The following KCNH5 variants were observed in gnomAD, a reference collection of about 807,000 sequenced individuals.
KCNH5 encodes potassium voltage-gated channel subfamily H member 5.
KCNH5 carries 46 observed loss-of-function variants against 96.1 expected under a neutral mutation model. The ratio of observed to expected loss-of-function variants is 0.48; its 90% CI spans 0.38 to 0.61. The LOEUF (loss-of-function observed/expected upper bound fraction) is 0.61. KCNH5 is among the 20% of genes least tolerant of loss of function. The probability of loss-of-function intolerance (pLI) is 0.00; values close to 1 mark genes in which losing one functional copy is unlikely to be tolerated. For missense variants in KCNH5, 907 were observed against 1,225.8 expected (o/e 0.74, Z 3.88); for synonymous variants, 439 against 449.8 (o/e 0.98, Z 0.30).
Position 62,708,035 on chromosome 14 carries a change from G to C in KCNH5, c.2440C>G (p.Leu814Val). ...KNGNGKGWLR[L>V]KNNMGAHEEK... ...TCATGGGCTCCCATATTATTCTTGA[G>C]TCGCAGCCACCCTTTTCCATTTCCA... The change falls in exon 11 of 11, where the codon CTC becomes GTC. Residue 814 changes from leucine to valine, a missense_variant. By Grantham distance (32) the Leu-to-Val change is conservative. Coordinates refer to ENST00000322893, the MANE Select transcript of KCNH5 (RefSeq NM_139318.5). The C allele has an allele frequency of 6.2e-7, 1 of 1,614,150 alleles. No homozygotes were observed. The highest frequency in any genetic ancestry group is 8.5e-7 in the Non-Finnish European group (1 of 1,180,034).
At chr14:62,932,676 T>C (rs1330928005) in intron 7 of KCNH5, among the ~76,000 whole-genome samples, 1 of 152,038 alleles carries the variant, frequency 6.6e-6, no homozygotes, top group African/African-American at 2.4e-5. Context: ...GAAAGATACC[T>C]TGTCATAGTA....
intron 8 of KCNH5, among the ~76,000 whole-genome samples, chr14:62,835,126 G>C (rs1028877293): frequency 3.3e-5 from 5 of 151,900 alleles, no homozygotes; most frequent in Non-Finnish European, 5.9e-5. Flanking sequence ...TTTTAATTCA[G>C]CTTCCAAAAG....
chr14:62,868,959 G>A (rs183982564), intron 7 of KCNH5, among the ~76,000 whole-genome samples: 53 of 152,252 alleles, frequency 3.5e-4, no homozygotes, highest in Admixed American at 1.3e-3. Flanking sequence ...GGGTTGGTTC[G>A]AAGTCTTTGT....
At chr14:62,977,954 T>A (rs1890532748) in intron 6 of KCNH5, among the ~76,000 whole-genome samples, 2 of 152,162 alleles carry the variant, frequency 1.3e-5, no homozygotes, top group African/African-American at 4.8e-5. Context: ...AAATGGATAG[T>A]CCCAGAGCAA....
At chr14:62,944,800 A>G (rs1279839555) in intron 7 of KCNH5, among the ~76,000 whole-genome samples, 1 of 152,126 alleles carries the variant, frequency 6.6e-6, no homozygotes, top group Non-Finnish European at 1.5e-5. Context: ...TAAAAGGGAA[A>G]TTTAAAGGTA....
intron 9 of KCNH5, among the ~76,000 whole-genome samples, chr14:62,783,115 G>A (rs559431148): frequency 2.1e-4 from 32 of 152,072 alleles, no homozygotes; most frequent in Admixed American, 5.2e-4. Context: ...GTTATATAAG[G>A]TTATATAAAA....
At chr14:62,887,142 A>C (rs1285559160) in intron 7 of KCNH5, among the ~76,000 whole-genome samples, 3 of 152,168 alleles carry the variant, frequency 2.0e-5, no homozygotes, top group Non-Finnish European at 4.4e-5. Context: ...TATTATTATC[A>C]CTGCAGAAAT....
chr14:62,940,750 T>C (rs1046262408), intron 7 of KCNH5, among the ~76,000 whole-genome samples: 2 of 152,218 alleles, frequency 1.3e-5, no homozygotes, highest in Admixed American at 1.3e-4. Context: ...CAAGAGTCAC[T>C]TTCTCCTAGA....
intron 7 of KCNH5, among the ~76,000 whole-genome samples, chr14:62,944,223 C>T (rs1458364991): frequency 6.6e-6 from 1 of 152,118 alleles, no homozygotes; most frequent in Non-Finnish European, 1.5e-5. Flanking sequence ...ATTCATACTT[C>T]TAAATTTTTC....
At chr14:62,778,203 A>G (rs76432118) in intron 10 of KCNH5, among the ~76,000 whole-genome samples, 1,908 of 152,290 alleles carry the variant, frequency 0.013, 42 homozygotes, top group African/African-American at 0.044. Flanking sequence ...GACTGGTTCC[A>G]GGATCCCCTC....
chr14:62,798,758 T>A (rs1886589592), intron 9 of KCNH5, among the ~76,000 whole-genome samples: 1 of 152,230 alleles, frequency 6.6e-6, no homozygotes. Context: ...CAGAACTTAT[T>A]CATTAAACTC....
intron 7 of KCNH5, among the ~76,000 whole-genome samples, chr14:62,902,149 CCATTATGTAGGCTGCCACTTTACT>C (rs1357770315): frequency 7.9e-5 from 12 of 152,072 alleles, no homozygotes; most frequent in African/African-American, 2.7e-4. Context: ...ATATTTTCTC[CCATTATGTAGGCTGCCACTTTACT>C]CAGTTGATGG....
At chr14:62,883,360 T>C (rs1198379927) in intron 7 of KCNH5, among the ~76,000 whole-genome samples, 3 of 152,196 alleles carry the variant, frequency 2.0e-5, no homozygotes, top group Non-Finnish European at 4.4e-5. Flanking sequence ...ATGATTTTAC[T>C]TGAAATAAAA....
At chr14:62,766,166 C>T (rs1373449665) in intron 10 of KCNH5, among the ~76,000 whole-genome samples, 2 of 152,064 alleles carry the variant, frequency 1.3e-5, no homozygotes, top group Non-Finnish European at 2.9e-5. Flanking sequence ...ATCCAAAAGA[C>T]AAGCAATAGC....
chr14:62,736,661 C>T (rs1458202380), intron 10 of KCNH5, among the ~76,000 whole-genome samples: 15 of 152,154 alleles, frequency 9.9e-5, no homozygotes, highest in Non-Finnish European at 2.2e-4. Context: ...ACTTCTTCCT[C>T]ACACAGAAAC....
chr14:62,920,733 A>G (rs1018031857), intron 7 of KCNH5, among the ~76,000 whole-genome samples: 1 of 152,198 alleles, frequency 6.6e-6, no homozygotes, highest in African/African-American at 2.4e-5. Context: ...AGACCAATCA[A>G]TTATTCAAAG....
In KCNH5 at chr14:63,029,575, A is replaced by G. The variant is rs113991899; in HGVS notation, c.74-12621T>C. On this transcript the variant is annotated intron_variant, in intron 1 of 10. Coordinates refer to ENST00000322893, the MANE Select transcript of KCNH5 (RefSeq NM_139318.5). ...TAAGAGAAGAACCTAGAAAAAATAA[A>G]CTGTTAAATGTTGACCTGCAAACCA... is the stretch of plus-strand genomic sequence containing the variant. Among the ~76,000 whole-genome samples, 219 of 152,184 alleles carry G rather than the reference A, an allele frequency of 1.4e-3. 2 individuals are homozygous for G. The highest frequency in any genetic ancestry group is 5.2e-3 in the African/African-American group (214 of 41,500).
chr14:62,987,052 A>T lies in KCNH5; in HGVS notation c.549+20T>A, dbSNP rs1277513105. On this transcript the variant is annotated intron_variant, in intron 5 of 10. Coordinates refer to ENST00000322893, the MANE Select transcript of KCNH5 (RefSeq NM_139318.5). ...TACCAACACCACCATCTTGGGAAGCAAAATTCATCTCATACTTACTTCAGC... is the reference window on the plus strand; with the variant it reads ...TACCAACACCACCATCTTGGGAAGCTAAATTCATCTCATACTTACTTCAGC... 3 of 1,558,724 alleles carry T rather than the reference A, an allele frequency of 1.9e-6. No homozygotes were observed. The highest frequency in any genetic ancestry group is 1.1e-5 in the South Asian group (1 of 89,850).
intron 6 of KCNH5, among the ~76,000 whole-genome samples, chr14:62,958,953 T>C (rs944775907): frequency 1.1e-4 from 17 of 152,082 alleles, no homozygotes; most frequent in African/African-American, 4.1e-4. Context: ...CCCATAGATA[T>C]TTAAACATCT....
Sources: gnomAD v4.1 joint callset for allele counts (sites outside exome capture counted in the v4.1 genomes callset) on GRCh38, gnomAD v4.1.1 for gene constraint, MANE v1.5 for transcripts, NCBI Gene and HGNC (gene_info 2026-07-23, HGNC 2026-07-21) for gene names.